SLC7A14: variants seen among roughly 807,000 people sequenced by gnomAD.
The protein encoded by SLC7A14 is solute carrier family 7 member 14, also known as gamma-aminobutyric acid transporter SLC7A14.
SLC7A14 carries 37 observed loss-of-function variants against 60.2 expected under a neutral mutation model. The observed-to-expected ratio is 0.61, with a 90% CI of 0.47 to 0.81. The LOEUF is 0.81. Among genes scored for constraint, SLC7A14 ranks in the 30% least tolerant of loss-of-function variants. SLC7A14 has a pLI of 0.00. For missense variants in SLC7A14, 886 were observed against 982.7 expected, an observed-to-expected ratio of 0.90 and a Z score of 1.32; for synonymous variants, 399 against 395.8, an observed-to-expected ratio of 1.01 and a Z score of -0.10.
chr3:170,478,986 G>A (rs1462842836), intron 7 of SLC7A14, among the ~76,000 whole-genome samples: 1 of 152,080 alleles, frequency 6.6e-6, no homozygotes, highest in Non-Finnish European at 1.5e-5. Context: ...GCAGGGCATG[G>A]TGGCACTCAC....
chr3:170,477,733 C>T (rs954119209), intron 7 of SLC7A14, among the ~76,000 whole-genome samples: 5 of 152,112 alleles, frequency 3.3e-5, no homozygotes, highest in African/African-American at 4.8e-5. Context: ...GTTTTTCTAA[C>T]CCAGGTGAAA....
At chr3:170,491,035 A>C (rs1349848563) in intron 4 of SLC7A14, among the ~76,000 whole-genome samples, 1 of 152,024 alleles carries the variant, frequency 6.6e-6, no homozygotes, top group Non-Finnish European at 1.5e-5. Context: ...TTAGAACTTG[A>C]CTTGTGTGTA....
rs541391853 is a variant in SLC7A14 at position 170,502,642 on chromosome 3, C to T, written c.305-1297G>A. 2.4e-4 allele frequency among the ~76,000 whole-genome samples: 37 copies of T among 152,274 alleles called. No individual in the cohort carries two copies. In the South Asian group the frequency reaches 7.7e-3, roughly 32 times the overall value. Reference sequence around the variant, plus strand: ...TGTTAAGGGCCAACCCTGAAGTTCTCTCATCACAAACCAGGGAACAATAGT... The same window carrying T: ...TGTTAAGGGCCAACCCTGAAGTTCTTTCATCACAAACCAGGGAACAATAGT... On this transcript the variant is annotated intron_variant, in intron 2 of 7. Coordinates refer to ENST00000231706, the MANE Select transcript of SLC7A14 (RefSeq NM_020949.3).
In SLC7A14 at chr3:170,549,701, C is replaced by T. The variant is rs78303579; in HGVS notation, c.-152-22613G>A. Among the ~76,000 whole-genome samples the T allele has an allele frequency of 1.3e-3, 194 of 152,274 alleles. 2 individuals are homozygous for T. Among genetic ancestry groups the T allele is most frequent in the African/African-American group, 4.6e-3 (190 of 41,562 alleles). ...GAGGCACTTTGCTTGAACAGTGACA[C>T]GAAGATTGCATCCTTTGAGAATAAA... is the stretch of plus-strand genomic sequence containing the variant. On this transcript the variant is annotated intron_variant, in intron 1 of 7. Transcript: ENST00000231706.
At chr3:170,476,982 T>C (rs1465451534) in intron 7 of SLC7A14, 1 of 152,212 alleles carries the variant, frequency 6.6e-6, no homozygotes, top group African/African-American at 2.4e-5. Context: ...AATGAAAACA[T>C]GGGTCCTCTC....
At chr3:170,536,593 G>C (rs888620338) in intron 1 of SLC7A14, among the ~76,000 whole-genome samples, 1 of 152,154 alleles carries the variant, frequency 6.6e-6, no homozygotes, top group African/African-American at 2.4e-5. Context: ...ATCATACCAT[G>C]AATATAGAGT....
chr3:170,467,039 C>T lies in SLC7A14; in HGVS notation c.*16G>A. 1 of 1,572,454 alleles carries T rather than the reference C, an allele frequency of 6.4e-7. No homozygotes were observed. Among genetic ancestry groups the T allele is most frequent in the Non-Finnish European group, 8.6e-7 (1 of 1,156,530 alleles). ...AAAATCAGTCATCACCATTTCTACCCACTTGTGTGTTTCTCCTACTCTGGA... is the reference window on the plus strand; with the variant it reads ...AAAATCAGTCATCACCATTTCTACCTACTTGTGTGTTTCTCCTACTCTGGA... On this transcript the variant is annotated 3_prime_UTR_variant, in exon 8 of 8. Transcript: ENST00000231706.
chr3:170,494,304 T>A (rs1470057971), intron 4 of SLC7A14, among the ~76,000 whole-genome samples: 4 of 152,252 alleles, frequency 2.6e-5, no homozygotes, highest in African/African-American at 9.6e-5. Context: ...AAATGTTCAA[T>A]GTTGGGAAAA....
intron 7 of SLC7A14, among the ~76,000 whole-genome samples, chr3:170,468,362 A>G (rs1739784122): frequency 6.6e-6 from 1 of 151,528 alleles, no homozygotes. Flanking sequence ...CAGTGGCATG[A>G]TCTCGGCTCA....
intron 2 of SLC7A14, among the ~76,000 whole-genome samples, chr3:170,507,419 G>A (rs184294454): frequency 4.5e-4 from 69 of 152,282 alleles, no homozygotes; most frequent in African/African-American, 1.4e-3. Context: ...AGCTCAGTGC[G>A]GTGAGCGTGG....
intron 1 of SLC7A14, among the ~76,000 whole-genome samples, chr3:170,580,535 G>C (rs944027106): frequency 6.6e-6 from 1 of 152,164 alleles, no homozygotes; most frequent in African/African-American, 2.4e-5. Context: ...CAGTAATATA[G>C]TCCCATATGC....
rs1271582006 is a variant in SLC7A14, at chr3:170,535,861, C to T, written c.-152-8773G>A. 6.6e-6 allele frequency among the ~76,000 whole-genome samples: 1 copy of T among 152,122 alleles called. No individual in the cohort carries two copies. The highest frequency in any genetic ancestry group is 1.9e-4 in the East Asian group (1 of 5,202). ...GCATTTTGCCTCATGATTTCTCTGC[C>T]CACTGCCCTCATCTTTATATATATT... On this transcript the variant is annotated intron_variant, in intron 1 of 7. Coordinates refer to ENST00000231706, the MANE Select transcript of SLC7A14 (RefSeq NM_020949.3). The surrounding 1 kb of genome is among the most constrained non-coding windows in gnomAD (Gnocchi z 4.3).
chr3:170,581,575 C>T (rs1426637178), intron 1 of SLC7A14, among the ~76,000 whole-genome samples: 1 of 152,082 alleles, frequency 6.6e-6, no homozygotes, highest in Non-Finnish European at 1.5e-5. Context: ...TTCCACTTTT[C>T]AGTGAAATAA....
intron 6 of SLC7A14, among the ~76,000 whole-genome samples, chr3:170,481,563 G>A (rs896709167): frequency 4.0e-5 from 6 of 151,778 alleles, no homozygotes; most frequent in African/African-American, 1.2e-4. Context: ...CACTACACCC[G>A]GCTAATTTTT....
intron 4 of SLC7A14, 149 bp downstream of exon 4, chr3:170,498,518 C>T (rs1712483370): frequency 1.5e-6 from 1 of 676,112 alleles, no homozygotes; most frequent in African/African-American, 1.8e-5. Flanking sequence ...TCAGGATATT[C>T]CAACTAAATT....
chr3:170,569,164 T>C (rs1214775634), intron 1 of SLC7A14, among the ~76,000 whole-genome samples: 1 of 152,334 alleles, frequency 6.6e-6, no homozygotes, highest in East Asian at 1.9e-4. Flanking sequence ...AGATAGCTCT[T>C]ATTATTTTGA....
chr3:170,501,380 C>T (rs1178407973), intron 2 of SLC7A14, 35 bp from the exon 3 acceptor site: 6 of 1,572,172 alleles, frequency 3.8e-6, no homozygotes, highest in Non-Finnish European at 5.3e-6. Flanking sequence ...TGGTGGACTT[C>T]AGGAGATGAG....
intron 2 of SLC7A14, among the ~76,000 whole-genome samples, chr3:170,507,610 T>C (rs1019652286): frequency 3.3e-5 from 5 of 152,100 alleles, no homozygotes; most frequent in African/African-American, 9.7e-5. Context: ...ACTTTCGAGA[T>C]TGTGGAAGAT....
chr3:170,485,157 C>A (rs1711981447), intron 5 of SLC7A14, among the ~76,000 whole-genome samples: 1 of 152,082 alleles, frequency 6.6e-6, no homozygotes, highest in South Asian at 2.1e-4. Context: ...ACGATGAAAC[C>A]CCTTGCATGT....
Sources: gnomAD v4.1 joint callset for allele counts (sites outside exome capture counted in the v4.1 genomes callset) on GRCh38, gnomAD v4.1.1 for gene constraint, Gnocchi (gnomAD v3.1) non-coding constraint, MANE v1.5 for transcripts, NCBI Gene and HGNC (gene_info 2026-07-23, HGNC 2026-07-21) for gene names.